NIBAN2: variants seen among roughly 807,000 people sequenced by gnomAD.
The protein encoded by NIBAN2 is niban apoptosis regulator 2.
A neutral mutation model predicts 81.8 loss-of-function variants in NIBAN2; 36 were observed. The ratio of observed to expected loss-of-function variants is 0.44; its 90% confidence interval spans 0.34 to 0.58. NIBAN2 has a LOEUF of 0.58. Ranked by LOEUF, NIBAN2 falls within the 20% of genes least tolerant of loss-of-function variation. NIBAN2 has a pLI of 0.02. For synonymous variants in NIBAN2, 445 were observed against 441.6 expected (o/e 1.01, Z -0.10); for missense variants, 897 against 1,014.1 (o/e 0.88, Z 1.57).
Position 127,560,000 on chromosome 9 carries a change from C to A in NIBAN2, c.55+8820G>T, listed in dbSNP as rs1837742294. Among the ~76,000 whole-genome samples the A allele has an allele frequency of 6.6e-6, 1 of 152,182 alleles. No individual in the cohort carries two copies. The highest frequency in any genetic ancestry group is 1.5e-5 in the Non-Finnish European group (1 of 68,032). ...ACTTTACAGATGAGGAATTTGAGGT[C>A]CAGAGAAGGGAGGGCAGCTGCCAAA... On this transcript the variant is annotated intron_variant, in intron 1 of 13. Transcript: ENST00000373312. This position sits in a 1 kb window ranked among gnomAD's most constrained non-coding sequence, Gnocchi z 4.0.
chr9:127,565,283 A>G (rs1201626183), intron 1 of NIBAN2, among the ~76,000 whole-genome samples: 1 of 152,080 alleles, frequency 6.6e-6, no homozygotes, highest in African/African-American at 2.4e-5. Flanking sequence ...TACTTTTGCA[A>G]TTAGACAAAA....
chr9:127,570,703 T>C (rs1837936978), upstream of NIBAN2, among the ~76,000 whole-genome samples: 1 of 152,218 alleles, frequency 6.6e-6, no homozygotes, highest in East Asian at 1.9e-4. Flanking sequence ...ACAAGACTTT[T>C]GACAGCAGAT....
chr9:127,561,298 A>G, intron 1 of NIBAN2: 10 of 985,508 alleles, frequency 1.0e-5, no homozygotes, highest in Non-Finnish European at 1.2e-5. Context: ...GGTCATGTCA[A>G]CTTCCTGGAG....
In NIBAN2 at chr9:127,527,215, C is replaced by T. The variant is rs1193639735; in HGVS notation, c.294G>A (p.Leu98=). The T allele has an allele frequency of 1.2e-6, 2 of 1,613,628 alleles. No individual in the cohort carries two copies. Among genetic ancestry groups the T allele is most frequent in the Admixed American group, 3.3e-5 (2 of 59,998 alleles). ...TCACCGCTTTGTTTTCGTAGAGCAC[C>T]AGCCCGTAGTTGTGGGGCACGAGGC... ...RFSLVPHNYG[L]VLYENKAAYE... Residue 98 remains leucine, a synonymous_variant, in exon 3 of 14, where the codon CTG becomes CTA. Coordinates refer to ENST00000373312, the MANE Select transcript of NIBAN2 (RefSeq NM_022833.4).
Position 127,545,749 on chromosome 9 carries a change from G to A in NIBAN2, c.56-13971C>T, listed in dbSNP as rs564886514. 6.6e-4 allele frequency among the ~76,000 whole-genome samples: 100 copies of A among 152,312 alleles called. No homozygotes were observed. Among genetic ancestry groups the A allele is most frequent in the Non-Finnish European group, 1.2e-3 (79 of 68,018 alleles). On this transcript the variant is annotated intron_variant, in intron 1 of 13. Coordinates refer to ENST00000373312, the MANE Select transcript of NIBAN2 (RefSeq NM_022833.4). This position sits in a 1 kb window ranked among gnomAD's most constrained non-coding sequence, Gnocchi z 4.7. ...CCCAGAGAAATGCACCCAAAAAAAC[G>A]GGTGACCCAAAACCCGCCCACTGGG...
At chr9:127,577,009 A>G (rs1838017852) in intron 1 of NIBAN2, among the ~76,000 whole-genome samples, 1 of 151,616 alleles carries the variant, frequency 6.6e-6, no homozygotes, top group South Asian at 2.1e-4. Flanking sequence ...TAAATAATTT[A>G]TTGTTATTTT....
At chr9:127,535,606 G>A (rs770390451) in intron 1 of NIBAN2, among the ~76,000 whole-genome samples, 4 of 152,144 alleles carry the variant, frequency 2.6e-5, no homozygotes, top group Admixed American at 1.3e-4. Flanking sequence ...CTAGGGCCTC[G>A]GGCTGAGGGG....
At chr9:127,542,027 C>T (rs929142890) in intron 1 of NIBAN2, among the ~76,000 whole-genome samples, 2 of 152,180 alleles carry the variant, frequency 1.3e-5, no homozygotes, top group African/African-American at 2.4e-5. Context: ...CTGTGCCCGC[C>T]GCAGCCACTG....
At chr9:127,532,813 G>C (rs548914543) in intron 1 of NIBAN2, among the ~76,000 whole-genome samples, 184 of 151,704 alleles carry the variant, frequency 1.2e-3, no homozygotes, top group African/African-American at 4.4e-3. Context: ...CAGGTGGATC[G>C]CTTGAGCCCA....
In NIBAN2 at chr9:127,527,277, G is replaced by A. The variant is rs1837090144; in HGVS notation, c.232C>T (p.His78Tyr). ...RIVFSGNLFQ[H>Y]QEDSKKWRNR... ...CTCCACTTCTTGCTGTCCTCCTGGTGCTGGAAGAGGTTCCCCGAGAAGACG... is the reference window on the plus strand; with the variant it reads ...CTCCACTTCTTGCTGTCCTCCTGGTACTGGAAGAGGTTCCCCGAGAAGACG... The change falls in exon 3 of 14, where the codon CAC (histidine) becomes TAC (tyrosine). Residue 78 changes from histidine to tyrosine, a missense_variant. Coordinates refer to ENST00000373312, the MANE Select transcript of NIBAN2 (RefSeq NM_022833.4). 6.2e-7 allele frequency: 1 copy of A among 1,613,962 alleles called. No homozygotes were observed. The highest frequency in any genetic ancestry group is 8.5e-7 in the Non-Finnish European group (1 of 1,179,994).
At chr9:127,533,381 C>T (rs1678351996) in intron 1 of NIBAN2, among the ~76,000 whole-genome samples, 2 of 152,168 alleles carry the variant, frequency 1.3e-5, no homozygotes, top group South Asian at 2.1e-4. Context: ...GGCATGAACC[C>T]GGGAGGCGGA....
chr9:127,524,254 G>A (rs1235705297), intron 4 of NIBAN2, among the ~76,000 whole-genome samples: 4 of 152,194 alleles, frequency 2.6e-5, no homozygotes, highest in African/African-American at 9.7e-5. Flanking sequence ...GGGGGAGGGA[G>A]GCATGTGGGG....
chr9:127,570,566 C>G (rs1251958800), upstream of NIBAN2, among the ~76,000 whole-genome samples: 1 of 152,220 alleles, frequency 6.6e-6, no homozygotes, highest in Admixed American at 6.5e-5. Context: ...TCTCAATGAA[C>G]AGAACGTGTC....
At chr9:127,533,273 G>A (rs565408997) in intron 1 of NIBAN2, among the ~76,000 whole-genome samples, 7 of 151,102 alleles carry the variant, frequency 4.6e-5, no homozygotes, top group African/African-American at 1.7e-4. Flanking sequence ...TGGCTAACAC[G>A]GTGAAACCCT....
intron 1 of NIBAN2, 24 bp downstream of exon 1, chr9:127,568,796 C>T: frequency 7.7e-7 from 1 of 1,296,584 alleles, no homozygotes; most frequent in Non-Finnish European, 9.8e-7. Context: ...CCCCTGGGCG[C>T]GCGTGGCGCG....
intron 8 of NIBAN2, among the ~76,000 whole-genome samples, chr9:127,515,989 T>C (rs566430562): frequency 6.6e-4 from 101 of 152,126 alleles, no homozygotes; most frequent in African/African-American, 2.4e-3. Context: ...AATACAAAAA[T>C]GTGCTGGGCG....
intron 5 of NIBAN2, among the ~76,000 whole-genome samples, chr9:127,519,617 G>A (rs1311583081): frequency 1.3e-5 from 2 of 152,290 alleles, no homozygotes; most frequent in Non-Finnish European, 2.9e-5. Context: ...TCGGAGCCGG[G>A]AGGGAGCTGA....
intron 1 of NIBAN2, among the ~76,000 whole-genome samples, chr9:127,542,758 T>G (rs1837403830): frequency 6.6e-6 from 1 of 152,230 alleles, no homozygotes; most frequent in Non-Finnish European, 1.5e-5. Context: ...AGTCTGGCTC[T>G]GTTGCCCAGG....
chr9:127,536,527 C>T lies in NIBAN2; in HGVS notation c.56-4749G>A, dbSNP rs999281444. ...CAACTCAAATTCCCACATGGCGTCCCGGCCTGGGTGTCTGTGGGGGTCCTG... is the reference window on the plus strand; with the variant it reads ...CAACTCAAATTCCCACATGGCGTCCTGGCCTGGGTGTCTGTGGGGGTCCTG... On this transcript the variant is annotated intron_variant, in intron 1 of 13. Transcript: ENST00000373312. This position sits in a 1 kb window ranked among gnomAD's most constrained non-coding sequence, Gnocchi z 4.0. Among the ~76,000 whole-genome samples, 5 of 152,234 alleles carry T rather than the reference C, an allele frequency of 3.3e-5. No individual in the cohort carries two copies. The highest frequency in any genetic ancestry group is 4.8e-5 in the African/African-American group (2 of 41,464).
Sources: gnomAD v4.1 joint callset for allele counts (sites outside exome capture counted in the v4.1 genomes callset) on GRCh38, gnomAD v4.1.1 for gene constraint, Gnocchi (gnomAD v3.1) non-coding constraint, MANE v1.5 for transcripts, NCBI Gene and HGNC (gene_info 2026-07-23, HGNC 2026-07-21) for gene names.